The following DPP10 variants were observed in gnomAD, a reference collection of about 807,000 sequenced individuals.
The protein encoded by DPP10 is dipeptidyl peptidase like 10, also known as inactive dipeptidyl peptidase 10.
A neutral mutation model predicts 120.9 loss-of-function variants in DPP10; 33 were observed. The observed-to-expected ratio is 0.27, with a 90% CI of 0.21 to 0.37. The LOEUF is 0.37. Among genes scored for constraint, DPP10 ranks in the 10% least tolerant of loss-of-function variants. DPP10 has a pLI of 1.00. For synonymous variants in DPP10, 337 were observed against 326.1 expected (o/e 1.03, Z -0.36); for missense variants, 816 against 942.8 (o/e 0.87, Z 1.76).
At chr2:115,715,469 G>C (rs894919985) in intron 7 of DPP10, among the ~76,000 whole-genome samples, 4 of 151,530 alleles carry the variant, frequency 2.6e-5, no homozygotes, top group African/African-American at 9.7e-5. Context: ...ACCAGATTCA[G>C]ACTGTTTCAT....
chr2:115,441,454 T>G (rs1173772217), intron 3 of DPP10, among the ~76,000 whole-genome samples: 30 of 152,174 alleles, frequency 2.0e-4, no homozygotes, highest in Non-Finnish European at 1.5e-5. Flanking sequence ...ATCATCTGTT[T>G]GTCATTTGAA....
At chr2:114,641,171 C>G (rs1490637609) in intron 1 of DPP10, among the ~76,000 whole-genome samples, 3 of 151,952 alleles carry the variant, frequency 2.0e-5, no homozygotes, top group Non-Finnish European at 4.4e-5. Context: ...AAACATTTTT[C>G]TAAGTTCTTA....
chr2:115,630,509 T>C (rs1303555567), intron 5 of DPP10, among the ~76,000 whole-genome samples: 13 of 152,186 alleles, frequency 8.5e-5, no homozygotes, highest in Admixed American at 8.5e-4. Context: ...TGTTTCCAGC[T>C]TTTGCCCTTT....
chr2:115,258,163 C>T (rs1179593029), intron 1 of DPP10, among the ~76,000 whole-genome samples: 1 of 152,134 alleles, frequency 6.6e-6, no homozygotes, highest in African/African-American at 2.4e-5. Flanking sequence ...TCATGGTACA[C>T]TGAAATAGAT....
chr2:114,639,684 ACAAG>A (rs947237021), intron 1 of DPP10, among the ~76,000 whole-genome samples: 15 of 151,952 alleles, frequency 9.9e-5, no homozygotes, highest in Non-Finnish European at 7.3e-5. Context: ...ATTTCATAAA[ACAAG>A]CAAGTTGTCA....
At chr2:115,279,767 T>TTCTTATG (rs1420557816) in intron 1 of DPP10, among the ~76,000 whole-genome samples, 1 of 144,628 alleles carries the variant, frequency 6.9e-6, no homozygotes, top group African/African-American at 2.5e-5. Flanking sequence ...CTTTAAGCGA[T>TTCTTATG]TCTTATGTCT....
intron 19 of DPP10, among the ~76,000 whole-genome samples, chr2:115,798,111 C>A (rs1383159219): frequency 6.6e-6 from 1 of 151,658 alleles, no homozygotes; most frequent in Non-Finnish European, 1.5e-5. Context: ...TTAATAGTTC[C>A]TATTTAAAAC....
At chr2:114,687,984 C>G (rs1699482995) in intron 1 of DPP10, among the ~76,000 whole-genome samples, 1 of 151,946 alleles carries the variant, frequency 6.6e-6, no homozygotes, top group Non-Finnish European at 1.5e-5. Context: ...CTATCTAAAA[C>G]AAAACATTTC....
chr2:115,153,290 T>C (rs1036513213), intron 1 of DPP10, among the ~76,000 whole-genome samples: 1 of 152,214 alleles, frequency 6.6e-6, no homozygotes, highest in Non-Finnish European at 1.5e-5. Context: ...ACCAATTTCC[T>C]GTTGGGAAAG....
rs150963246 is a variant in DPP10 at position 115,272,008 on chromosome 2, A to G, written c.61-37231A>G. 7.3e-4 allele frequency among the ~76,000 whole-genome samples: 111 copies of G among 152,346 alleles called. 2 individuals are homozygous for G. The East Asian group carries it at 0.012, about 16-fold the overall frequency. On this transcript the variant is annotated intron_variant, in intron 1 of 25. Coordinates refer to ENST00000410059, the MANE Select transcript of DPP10 (RefSeq NM_020868.6). ...ATGCTCAATATGAGCATACATATTCAGCCATTAGTTATATTCACATTCTCT... is the reference window on the plus strand; with the variant it reads ...ATGCTCAATATGAGCATACATATTCGGCCATTAGTTATATTCACATTCTCT...
intron 5 of DPP10, among the ~76,000 whole-genome samples, chr2:115,550,959 T>A (rs1399747252): frequency 6.6e-6 from 1 of 152,160 alleles, no homozygotes; most frequent in South Asian, 2.1e-4. Context: ...ATTCAAAATA[T>A]AATTTATTGT....
At chr2:114,805,395 G>T (rs1046866133) in intron 1 of DPP10, among the ~76,000 whole-genome samples, 5 of 152,160 alleles carry the variant, frequency 3.3e-5, no homozygotes, top group Non-Finnish European at 5.9e-5. Flanking sequence ...GTGCTGAAAG[G>T]TCCCAGAGCA....
intron 4 of DPP10, among the ~76,000 whole-genome samples, chr2:115,511,991 C>T (rs2077258090): frequency 6.6e-6 from 1 of 151,938 alleles, no homozygotes; most frequent in African/African-American, 2.4e-5. Context: ...CTTGGTCTGC[C>T]AAAGTGTTGG....
chr2:115,585,649 G>A (rs1310435414), intron 5 of DPP10, among the ~76,000 whole-genome samples: 1 of 152,118 alleles, frequency 6.6e-6, no homozygotes, highest in Non-Finnish European at 1.5e-5. Context: ...AGTTATGTGA[G>A]CTTTTCTATA....
chr2:114,457,443 T>C (rs1232859283), intron 1 of DPP10, among the ~76,000 whole-genome samples: 1 of 152,144 alleles, frequency 6.6e-6, no homozygotes, highest in East Asian at 1.9e-4. Context: ...TTGTTGCAGG[T>C]GAGGAAACTC....
intron 1 of DPP10, among the ~76,000 whole-genome samples, chr2:114,945,107 G>T (rs78026343): frequency 2.0e-5 from 3 of 152,160 alleles, no homozygotes; most frequent in Admixed American, 2.0e-4. Context: ...TATACCTACA[G>T]GTTACACGTA....
chr2:115,641,763 T>G (rs2086800144), intron 5 of DPP10, among the ~76,000 whole-genome samples: 1 of 150,036 alleles, frequency 6.7e-6, no homozygotes, highest in African/African-American at 2.5e-5. Flanking sequence ...GGAATTCAAT[T>G]ATATTTGACA....
intron 1 of DPP10, among the ~76,000 whole-genome samples, chr2:114,477,721 A>G (rs890836805): frequency 2.0e-5 from 3 of 150,964 alleles, no homozygotes; most frequent in Non-Finnish European, 4.4e-5. Flanking sequence ...ATATATATAT[A>G]TACATATATA....
intron 21 of DPP10, among the ~76,000 whole-genome samples, chr2:115,828,876 A>G (rs1559211674): frequency 6.6e-6 from 1 of 152,102 alleles, no homozygotes; most frequent in Non-Finnish European, 1.5e-5. Context: ...CCATTTATCC[A>G]TTATATATGC....
Sources: gnomAD v4.1 joint callset for allele counts (sites outside exome capture counted in the v4.1 genomes callset) on GRCh38, gnomAD v4.1.1 for gene constraint, MANE v1.5 for transcripts, NCBI Gene and HGNC (gene_info 2026-07-23, HGNC 2026-07-21) for gene names.